SH2D3C: variants seen among roughly 807,000 people sequenced by gnomAD.
SH2D3C encodes the protein SH2 domain-containing protein 3C.
A neutral mutation model predicts 75.2 loss-of-function variants in SH2D3C; 25 were observed. The ratio of observed to expected loss-of-function variants is 0.33; its 90% CI spans 0.24 to 0.46. The LOEUF (loss-of-function observed/expected upper bound fraction) is 0.46, where lower values mean the gene tolerates loss of function less well. SH2D3C is among the 20% of genes least tolerant of loss of function. The pLI is 1.00. For missense variants in SH2D3C, 933 were observed against 1,165.3 expected, an observed-to-expected ratio of 0.80 and a Z score of 2.90; for synonymous variants, 450 against 473.7, an observed-to-expected ratio of 0.95 and a Z score of 0.65.
intron 1 of SH2D3C, among the ~76,000 whole-genome samples, chr9:127,777,867 G>C (rs1490414156): frequency 6.6e-6 from 1 of 151,262 alleles, no homozygotes; most frequent in Non-Finnish European, 1.5e-5. Flanking sequence ...AAGAGAAACA[G>C]AAACAAGGCG....
At chr9:127,771,476 TC>T in intron 2 of SH2D3C, 1 of 879,324 alleles carries the variant, frequency 1.1e-6, no homozygotes, top group Non-Finnish European at 1.6e-6. Context: ...CTCCGCCCCC[TC>T]CCCATCAGTC....
At position 127,739,594 on chromosome 9, in the gene SH2D3C, A is replaced by G; in HGVS notation, c.2407+88T>C. ...AGGACAGAGGAGTGGAGAAATGTGA[A>G]TGGATGCCTTGGAGAAAAGGGAAGC... On this transcript the variant is annotated intron_variant, in intron 11 of 11. Transcript: ENST00000314830. This position sits in a 1 kb window ranked among gnomAD's most constrained non-coding sequence, Gnocchi z 4.3. 8.3e-7 allele frequency: 1 copy of G among 1,201,214 alleles called. No individual in the cohort carries two copies. Among genetic ancestry groups the G allele is most frequent in the Non-Finnish European group, 1.2e-6 (1 of 840,548 alleles). The allele number at this position is 1,201,214 out of a possible 1,614,324, so 74.4% of individuals were successfully genotyped here.
rs1483415204 is a variant in SH2D3C at position 127,747,289 on chromosome 9, T to C, written c.1140-18A>G. The C allele has an allele frequency of 1.9e-6, 3 of 1,608,288 alleles. No homozygotes were observed. Among genetic ancestry groups the C allele is most frequent in the Non-Finnish European group, 2.5e-6 (3 of 1,178,918 alleles). On this transcript the variant is annotated intron_variant, in intron 5 of 11. Coordinates refer to ENST00000314830, the MANE Select transcript of SH2D3C (RefSeq NM_170600.3). Reference sequence around the variant, plus strand: ...GCGACGTACTGTGGAGCAGACACCATCATGGGCAGGGAGCCCGGAGGTCAG... The same window carrying C: ...GCGACGTACTGTGGAGCAGACACCACCATGGGCAGGGAGCCCGGAGGTCAG...
intron 8 of SH2D3C, among the ~76,000 whole-genome samples, chr9:127,742,488 C>T (rs1361639387): frequency 2.0e-5 from 3 of 152,208 alleles, no homozygotes; most frequent in Non-Finnish European, 2.9e-5. Context: ...TCGCCCGCCT[C>T]GGCCTCCCAA....
Position 127,754,927 on chromosome 9 carries a change from C to A in SH2D3C, c.556-3627G>T. 2.0e-6 allele frequency: 1 copy of A among 509,950 alleles called. No homozygotes were observed. Among genetic ancestry groups the A allele is most frequent in the Non-Finnish European group, 3.8e-6 (1 of 264,788 alleles). 31.6% of individuals were successfully genotyped at this position (509,950 alleles called of 1,614,324 possible). On this transcript the variant is annotated intron_variant, in intron 3 of 11. Transcript: ENST00000314830. This position sits in a 1 kb window ranked among gnomAD's most constrained non-coding sequence, Gnocchi z 4.4. ...CGCCCAGAGGTGAGGCTGGGGTGAC[C>A]CCGCCCCCTCCCCGGGTCGGCCGGG...
chr9:127,759,959 G>A (rs888648634), intron 3 of SH2D3C, among the ~76,000 whole-genome samples: 2 of 151,520 alleles, frequency 1.3e-5, no homozygotes, highest in Non-Finnish European at 2.9e-5. Flanking sequence ...CTCCAGCCTG[G>A]GCAACAGAGT....
At position 127,739,019 on chromosome 9, in the gene SH2D3C, T is replaced by A. The variant is rs1298198059; in HGVS notation, c.2408-98A>T. 1 of 1,115,450 alleles carries A rather than the reference T, an allele frequency of 9.0e-7. No individual in the cohort carries two copies. The highest frequency in any genetic ancestry group is 1.2e-6 in the Non-Finnish European group (1 of 823,344). 69.1% of individuals were successfully genotyped at this position (1,115,450 alleles called of 1,614,324 possible). A position where few individuals can be genotyped will look rare whatever the true frequency, so the allele number is the denominator to read the frequency against. On this transcript the variant is annotated intron_variant, in intron 11 of 11. Coordinates refer to ENST00000314830, the MANE Select transcript of SH2D3C (RefSeq NM_170600.3). This position sits in a 1 kb window ranked among gnomAD's most constrained non-coding sequence, Gnocchi z 4.3. ...CCCCTGTTAGGGACCTCCCCTCAACTCCGCCAGGGATCCAACAAGGTTTGT... is the reference window on the plus strand; with the variant it reads ...CCCCTGTTAGGGACCTCCCCTCAACACCGCCAGGGATCCAACAAGGTTTGT...
At position 127,753,502 on chromosome 9, in the gene SH2D3C, C is replaced by T. The variant is rs115165827; in HGVS notation, c.556-2202G>A. ...ACAGGTGCTCAGGAGAAAGGCGGGG[C>T]CTGGGAGTGGGAATTCTGCACATCC... is the stretch of plus-strand genomic sequence containing the variant. On this transcript the variant is annotated intron_variant, in intron 3 of 11. Transcript: ENST00000314830. Among the ~76,000 whole-genome samples, 215 of 152,174 alleles carry T rather than the reference C, an allele frequency of 1.4e-3. 1 individual carries two copies. The highest frequency in any genetic ancestry group is 5.0e-3 in the African/African-American group (207 of 41,502).
chr9:127,752,422 G>A (rs1251345488), intron 3 of SH2D3C, among the ~76,000 whole-genome samples: 1 of 152,124 alleles, frequency 6.6e-6, no homozygotes, highest in African/African-American at 2.4e-5. Flanking sequence ...AGGCCCCAAA[G>A]ATGGCTACTC....
rs533918789 is a variant in SH2D3C at position 127,765,246 on chromosome 9, A to G, written c.516-3596T>C. Among the ~76,000 whole-genome samples the G allele has an allele frequency of 2.6e-5, 4 of 152,148 alleles. No individual in the cohort carries two copies. The East Asian group carries it at 5.8e-4, about 22-fold the overall frequency. On this transcript the variant is annotated intron_variant, in intron 2 of 11. Transcript: ENST00000314830. ...CCTGGCCACCCTTTCTGAAAGTGTG[A>G]TCTTCCTCCACTACCACATTCCCTT...
chr9:127,739,750 A>G lies in SH2D3C; in HGVS notation c.2339T>C (p.Leu780Pro). Residue 780 changes from leucine (L) to proline (P), a missense_variant, in exon 11 of 12, where the codon CTG becomes CCG. Coordinates refer to ENST00000314830, the MANE Select transcript of SH2D3C (RefSeq NM_170600.3). This position sits in a 1 kb window ranked among gnomAD's most constrained non-coding sequence, Gnocchi z 4.3. Reference sequence around the variant, plus strand: ...GTGTGCCACTGTGCGGGCGGCCTCCAGGTGAGCCAGCACCACCTCCACGCC... The same window carrying G: ...GTGTGCCACTGTGCGGGCGGCCTCCGGGTGAGCCAGCACCACCTCCACGCC... ...EHGVEVVLAH[L>P]EAARTVAHHG... 2 of 1,609,874 alleles carry G rather than the reference A, an allele frequency of 1.2e-6. No homozygotes were observed. The highest frequency in any genetic ancestry group is 1.7e-6 in the Non-Finnish European group (2 of 1,179,236).
At chr9:127,745,145 C>A in intron 6 of SH2D3C, 46 bp from the exon 7 acceptor site, 1 of 1,435,792 alleles carries the variant, frequency 7.0e-7, no homozygotes, top group Non-Finnish European at 9.2e-7. Context: ...AGCTCCCCAC[C>A]AAAGTGAGAT....
At position 127,754,588 on chromosome 9, in the gene SH2D3C, T is replaced by C. The variant is rs1845303794; in HGVS notation, c.556-3288A>G. On this transcript the variant is annotated intron_variant, in intron 3 of 11. Coordinates refer to ENST00000314830, the MANE Select transcript of SH2D3C (RefSeq NM_170600.3). The surrounding 1 kb of genome is among the most constrained non-coding windows in gnomAD (Gnocchi z 4.4). ...CGCCCCAGGCATGTCCAAGCCCACC[T>C]AGAGGGCGGGAGGGTGGCGGGCGCT... Among the ~76,000 whole-genome samples, 1 of 152,060 alleles carries C rather than the reference T, an allele frequency of 6.6e-6. No homozygotes were observed. Among genetic ancestry groups the C allele is most frequent in the South Asian group, 2.1e-4 (1 of 4,832 alleles).
At chr9:127,761,809 C>T (rs1845533532) in intron 2 of SH2D3C, among the ~76,000 whole-genome samples, 159 bp from the exon 3 acceptor site, 1 of 152,192 alleles carries the variant, frequency 6.6e-6, no homozygotes, top group Admixed American at 6.5e-5. Context: ...CTGGCTCCTC[C>T]ACTTTCCAGC....
Position 127,751,347 on chromosome 9 carries a change from C to A in SH2D3C, c.556-47G>T, listed in dbSNP as rs372989389. 5.4e-5 allele frequency: 86 copies of A among 1,592,688 alleles called. No individual in the cohort carries two copies. In the African/African-American group the frequency reaches 9.5e-4, roughly 18 times the overall value. ...TTGGCATCCAACTTAAAGTCTCCTT[C>A]TTCTTTCCCTCCCAACTTCATTCTA... On this transcript the variant is annotated intron_variant, in intron 3 of 11. Transcript: ENST00000314830. This position sits in a 1 kb window ranked among gnomAD's most constrained non-coding sequence, Gnocchi z 4.1.
Position 127,751,399 on chromosome 9 carries a change from G to T in SH2D3C, c.556-99C>A. On this transcript the variant is annotated intron_variant, in intron 3 of 11. Coordinates refer to ENST00000314830, the MANE Select transcript of SH2D3C (RefSeq NM_170600.3). This position sits in a 1 kb window ranked among gnomAD's most constrained non-coding sequence, Gnocchi z 4.1. ...CATGGATGAACTCCTCCTATCCTGG[G>T]ACTCTGGGAACACTAAGGCACAGGT... The T allele has an allele frequency of 8.2e-7, 1 of 1,216,928 alleles. No individual in the cohort carries two copies. Among genetic ancestry groups the T allele is most frequent in the Admixed American group, 1.8e-5 (1 of 56,064 alleles). The allele number at this position is 1,216,928 out of a possible 1,614,324, so 75.4% of individuals were successfully genotyped here.
chr9:127,740,336 G>T lies in SH2D3C; in HGVS notation c.2122C>A (p.Arg708=). Residue 708 remains arginine (R), a synonymous_variant, in exon 10 of 12, where the codon CGG becomes AGG. Coordinates refer to ENST00000314830, the MANE Select transcript of SH2D3C (RefSeq NM_170600.3). ...SRLEQTWVTL[R]QRHTEGAILY... is the part of the protein sequence containing the mutation. ...ATGGCACCCTCTGTGTGTCGCTGCC[G>T]CAGGGTCACCCATGTCTGCTCCAGC... 6.2e-7 allele frequency: 1 copy of T among 1,614,102 alleles called. No individual in the cohort carries two copies. The highest frequency in any genetic ancestry group is 8.5e-7 in the Non-Finnish European group (1 of 1,179,990).
Position 127,774,385 on chromosome 9 carries a change from A to C in SH2D3C, c.120T>G (p.Ser40Arg). 1.2e-6 allele frequency: 2 copies of C among 1,613,814 alleles called. No individual in the cohort carries two copies. The highest frequency in any genetic ancestry group is 4.5e-5 in the East Asian group (2 of 44,886). ...FTLRRSSASI[S>R]RQSHLEPDTF... ...TGTCAGGCTCCAAATGGGACTGCCTACTGATGGAAGCTGAGGATCGTCTCA... is the reference window on the plus strand; with the variant it reads ...TGTCAGGCTCCAAATGGGACTGCCTCCTGATGGAAGCTGAGGATCGTCTCA... The change falls in exon 2 of 12, where the codon AGT becomes AGG. Residue 40 changes from serine to arginine, a missense_variant. Coordinates refer to ENST00000314830, the MANE Select transcript of SH2D3C (RefSeq NM_170600.3). The surrounding 1 kb of genome is among the most constrained non-coding windows in gnomAD (Gnocchi z 4.3).
At position 127,749,622 on chromosome 9, in the gene SH2D3C, C is replaced by A; in HGVS notation, c.728G>T (p.Arg243Leu). 2 of 1,585,868 alleles carry A rather than the reference C, an allele frequency of 1.3e-6. No individual in the cohort carries two copies. The highest frequency in any genetic ancestry group is 1.1e-5 in the South Asian group (1 of 87,864). ...GTCGCCCAGGCTGGTGAGTGAGTCC[C>A]GGATGAGGAAGTCGCCGTTGCGTTG... ...LVQRNGDFLIRDSLTSLGDYV... is the reference protein window; with the variant it reads ...LVQRNGDFLILDSLTSLGDYV... The change falls in exon 5 of 12, where the codon CGG (arginine) becomes CTG (leucine). Residue 243 changes from arginine to leucine, a missense_variant. By Grantham distance (102) the Arg-to-Leu change is moderately radical. Coordinates refer to ENST00000314830, the MANE Select transcript of SH2D3C (RefSeq NM_170600.3). The surrounding 1 kb of genome is among the most constrained non-coding windows in gnomAD (Gnocchi z 5.9).
Sources: gnomAD v4.1 joint callset for allele counts (sites outside exome capture counted in the v4.1 genomes callset) on GRCh38, gnomAD v4.1.1 for gene constraint, Gnocchi (gnomAD v3.1) non-coding constraint, MANE v1.5 for transcripts, NCBI Gene and HGNC (gene_info 2026-07-23, HGNC 2026-07-21) for gene names.